The following FOXL2NB variants were observed in gnomAD, a reference collection of about 807,000 sequenced individuals.
The protein encoded by FOXL2NB is FOXL2 neighbor protein.
FOXL2NB carries 10 observed loss-of-function variants against 7.4 expected under a neutral mutation model. That is an observed-to-expected ratio of 1.34 (90% CI 0.83 to 2.28). The LOEUF is 2.28. Among genes scored for constraint, FOXL2NB ranks in the 30% most tolerant of loss-of-function variants. FOXL2NB has a pLI of 0.00. For synonymous variants in FOXL2NB, 104 were observed against 105.3 expected, an observed-to-expected ratio of 0.99 and a Z score of 0.08; for missense variants, 228 against 233.9, an observed-to-expected ratio of 0.97 and a Z score of 0.17.
At position 138,952,862 on chromosome 3, in the gene FOXL2NB, G is replaced by T. The variant is rs944420679; in HGVS notation, c.*2290G>T. On this transcript the variant is annotated 3_prime_UTR_variant, in exon 3 of 3. Coordinates refer to ENST00000383165, the MANE Select transcript of FOXL2NB (RefSeq NM_001040061.3). Reference sequence around the variant, plus strand: ...ATTTTTTATTTAAACAGTTTTGGGGGAACAGGTGGTTTTTGCTTACATGGA... The same window carrying T: ...ATTTTTTATTTAAACAGTTTTGGGGTAACAGGTGGTTTTTGCTTACATGGA... The T allele has an allele frequency of 6.6e-6, 1 of 151,528 alleles. No homozygotes were observed. The highest frequency in any genetic ancestry group is 1.5e-5 in the Non-Finnish European group (1 of 67,916). 9.4% of individuals were successfully genotyped at this position (151,528 alleles called of 1,614,324 possible). A position where few individuals can be genotyped will look rare whatever the true frequency, so the allele number is the denominator to read the frequency against.
Position 138,951,865 on chromosome 3 carries a change from G to A in FOXL2NB, c.*1293G>A, listed in dbSNP as rs1936138094. ...CTCACTCAGTGCTCCCCACCAGGAT[G>A]GGCTTAATGCCTTTTAATAGAATTA... On this transcript the variant is annotated 3_prime_UTR_variant, in exon 3 of 3. Transcript: ENST00000383165. The A allele has an allele frequency of 6.6e-6, 1 of 152,194 alleles. No individual in the cohort carries two copies. Among genetic ancestry groups the A allele is most frequent in the Non-Finnish European group, 1.5e-5 (1 of 68,058 alleles). The allele number at this position is 152,194 out of a possible 1,614,324, so 9.4% of individuals were successfully genotyped here. A position where few individuals can be genotyped will look rare whatever the true frequency, so the allele number is the denominator to read the frequency against.
In FOXL2NB at chr3:138,947,639, C is replaced by G. The variant is rs1936016977; in HGVS notation, c.100+175C>G. On this transcript the variant is annotated intron_variant, in intron 1 of 2. Coordinates refer to ENST00000383165, the MANE Select transcript of FOXL2NB (RefSeq NM_001040061.3). The surrounding 1 kb of genome is among the most constrained non-coding windows in gnomAD (Gnocchi z 5.2). ...AAACGGGTGTGACTGTACGAAGAAG[C>G]CTCGGCCTGGCCTGTCCCTCGCGCT... The G allele has an allele frequency of 1.4e-6, 2 of 1,384,060 alleles. No homozygotes were observed. Among genetic ancestry groups the G allele is most frequent in the South Asian group, 1.7e-5 (1 of 59,418 alleles). 85.7% of individuals were successfully genotyped at this position (1,384,060 alleles called of 1,614,324 possible).
rs1936108530 is a variant in FOXL2NB, at chr3:138,950,504, AC to A, written c.463del (p.Leu155SerfsTer95). ...GCGGGAGAGAATAGAGCTTGCTGCA[AC>A]CCTCTGCTTGGAGGGATGGCCTCTG... ...PERERIELAA[T>X]LCLEGWPLRC... On this transcript the variant is annotated frameshift_variant, in exon 3 of 3. Transcript: ENST00000383165. LOFTEE classifies it low-confidence loss of function (END_TRUNC). 1.6e-5 allele frequency: 26 copies of A among 1,614,042 alleles called. No individual in the cohort carries two copies. Among genetic ancestry groups the A allele is most frequent in the Non-Finnish European group, 1.9e-5 (23 of 1,180,026 alleles).
rs972139064 is a variant in FOXL2NB, at chr3:138,950,191, C to A, written c.221-74C>A. ...GCTCCCGCGCCTCCTCGCAGCCTGG[C>A]CCCGCGCCTCGGAGGTCCCGACAGC... On this transcript the variant is annotated intron_variant, in intron 2 of 2. Coordinates refer to ENST00000383165, the MANE Select transcript of FOXL2NB (RefSeq NM_001040061.3). 5 of 1,519,030 alleles carry A rather than the reference C, an allele frequency of 3.3e-6. No individual in the cohort carries two copies. In the South Asian group the frequency reaches 5.7e-5, roughly 17 times the overall value. The allele number at this position is 1,519,030 out of a possible 1,614,324, so 94.1% of individuals were successfully genotyped here.
rs754299081 is a variant in FOXL2NB, at chr3:138,950,555, C to T, written c.511C>T (p.Leu171Phe). ...GCGGTGCTTGGCTAGCAAAGGGAAG[C>T]TTCACTGTGTCTATTAGTACATCCC... ...PLRCLASKGK[L>F]HCVY Residue 171 changes from leucine (L) to phenylalanine (F), a missense_variant, in exon 3 of 3, where the codon CTT (leucine) becomes TTT (phenylalanine). Transcript: ENST00000383165. The T allele has an allele frequency of 4.3e-6, 7 of 1,614,182 alleles. No individual in the cohort carries two copies. In the South Asian group the frequency reaches 6.6e-5, roughly 15 times the overall value.
Position 138,950,632 on chromosome 3 carries a change from C to G in FOXL2NB, c.*60C>G. On this transcript the variant is annotated 3_prime_UTR_variant, in exon 3 of 3. Coordinates refer to ENST00000383165, the MANE Select transcript of FOXL2NB (RefSeq NM_001040061.3). ...CAGCACTCACTCCCTCCCGGCCCCTCACAGGGCCCTTTGCACCCACACCTC... is the reference window on the plus strand; with the variant it reads ...CAGCACTCACTCCCTCCCGGCCCCTGACAGGGCCCTTTGCACCCACACCTC... 6.3e-7 allele frequency: 1 copy of G among 1,576,978 alleles called. No individual in the cohort carries two copies.
chr3:138,947,431 G>C lies in FOXL2NB; in HGVS notation c.67G>C (p.Gly23Arg), dbSNP rs1439073453. The C allele has an allele frequency of 6.5e-7, 1 of 1,547,618 alleles. No individual in the cohort carries two copies. The highest frequency in any genetic ancestry group is 8.7e-7 in the Non-Finnish European group (1 of 1,144,992). ...GCCCAGGAAGCTCGGGCCCCAGCGA[G>C]GAAAGGCGCTCCAAGCCTCCTCGCG... is the stretch of plus-strand genomic sequence containing the variant. ...PKPRKLGPQR[G>R]KALQASSRLS... The change falls in exon 1 of 3, where the codon GGA becomes CGA. Residue 23 changes from glycine to arginine, a missense_variant. Gly to Arg is a moderately radical substitution (Grantham distance 125). Transcript: ENST00000383165. The surrounding 1 kb of genome is among the most constrained non-coding windows in gnomAD (Gnocchi z 5.2).
In FOXL2NB at chr3:138,949,716, G is replaced by A. The variant is rs1339786699; in HGVS notation, c.220+77G>A. 3 of 1,593,662 alleles carry A rather than the reference G, an allele frequency of 1.9e-6. No individual in the cohort carries two copies. In the Admixed American group the frequency reaches 5.0e-5, roughly 27 times the overall value. Reference sequence around the variant, plus strand: ...TCCAGGCTTCTGCGGAAAAGCCAGGGGCTTCGGGCTGGAGATAGAGGAATC... The same window carrying A: ...TCCAGGCTTCTGCGGAAAAGCCAGGAGCTTCGGGCTGGAGATAGAGGAATC... On this transcript the variant is annotated intron_variant, in intron 2 of 2. Transcript: ENST00000383165. This position sits in a 1 kb window ranked among gnomAD's most constrained non-coding sequence, Gnocchi z 4.5.
At position 138,947,293 on chromosome 3, in the gene FOXL2NB, G is replaced by T. The variant is rs1559923177; in HGVS notation, c.-72G>T. On this transcript the variant is annotated 5_prime_UTR_variant, in exon 1 of 3. Coordinates refer to ENST00000383165, the MANE Select transcript of FOXL2NB (RefSeq NM_001040061.3). The surrounding 1 kb of genome is among the most constrained non-coding windows in gnomAD (Gnocchi z 5.2). ...CCTGCCCCCGCCCAGCGAGCCTCAG[G>T]GGCCCAGCCGACAGCCAGGCTCACG... The T allele has an allele frequency of 7.9e-7, 1 of 1,266,034 alleles. No homozygotes were observed. Among genetic ancestry groups the T allele is most frequent in the South Asian group, 1.3e-5 (1 of 75,546 alleles). 78.4% of individuals were successfully genotyped at this position (1,266,034 alleles called of 1,614,324 possible). A position where few individuals can be genotyped will look rare whatever the true frequency, so the allele number is the denominator to read the frequency against.
intron 1 of FOXL2NB, among the ~76,000 whole-genome samples, chr3:138,948,899 G>C (rs1413131587): frequency 6.6e-6 from 1 of 152,204 alleles, no homozygotes; most frequent in Non-Finnish European, 1.5e-5. Context: ...AGGGAGCAAG[G>C]CTATCCCCAA....
intron 1 of FOXL2NB, among the ~76,000 whole-genome samples, chr3:138,948,564 A>G (rs1212765912): frequency 1.3e-5 from 2 of 152,188 alleles, no homozygotes; most frequent in Non-Finnish European, 2.9e-5. Flanking sequence ...TTATGGAGGA[A>G]GGTGGACTGA....
chr3:138,947,261 G>A lies in FOXL2NB; in HGVS notation c.-104G>A. 1.1e-6 allele frequency: 1 copy of A among 907,382 alleles called. No homozygotes were observed. The highest frequency in any genetic ancestry group is 1.5e-5 in the South Asian group (1 of 65,876). The allele number at this position is 907,382 out of a possible 1,614,324, so 56.2% of individuals were successfully genotyped here. On this transcript the variant is annotated 5_prime_UTR_variant, in exon 1 of 3. Coordinates refer to ENST00000383165, the MANE Select transcript of FOXL2NB (RefSeq NM_001040061.3). The surrounding 1 kb of genome is among the most constrained non-coding windows in gnomAD (Gnocchi z 5.2). ...TTTTTGTAAACGCCCCGCACAGCCT[G>A]GACCGGCCTGCCCCCGCCCAGCGAG... is the stretch of plus-strand genomic sequence containing the variant.
In FOXL2NB at chr3:138,950,595, C is replaced by T; in HGVS notation, c.*23C>T. ...TAGTACATCCCCATACACTCCACGCCTCAACAACTGTCAGCACTCACTCCC... is the reference window on the plus strand; with the variant it reads ...TAGTACATCCCCATACACTCCACGCTTCAACAACTGTCAGCACTCACTCCC... On this transcript the variant is annotated 3_prime_UTR_variant, in exon 3 of 3. Transcript: ENST00000383165. The T allele has an allele frequency of 6.2e-7, 1 of 1,611,252 alleles. No individual in the cohort carries two copies. Among genetic ancestry groups the T allele is most frequent in the Non-Finnish European group, 8.5e-7 (1 of 1,179,280 alleles).
chr3:138,949,876 T>A lies in FOXL2NB; in HGVS notation c.220+237T>A. 1.4e-6 allele frequency: 1 copy of A among 703,180 alleles called. No homozygotes were observed. Among genetic ancestry groups the A allele is most frequent in the Non-Finnish European group, 2.6e-6 (1 of 389,872 alleles). 43.6% of individuals were successfully genotyped at this position (703,180 alleles called of 1,614,324 possible). A position where few individuals can be genotyped will look rare whatever the true frequency, so the allele number is the denominator to read the frequency against. The stretch of plus-strand genomic sequence containing the variant: ...AGGCTGGTTGCTGGCGAGGTCGGGA[T>A]CCTCTCTGAACAGGGCATACTGTGC... On this transcript the variant is annotated intron_variant, in intron 2 of 2. Coordinates refer to ENST00000383165, the MANE Select transcript of FOXL2NB (RefSeq NM_001040061.3). The surrounding 1 kb of genome is among the most constrained non-coding windows in gnomAD (Gnocchi z 4.5).
chr3:138,948,748 G>C (rs1021704960), intron 1 of FOXL2NB, among the ~76,000 whole-genome samples: 4 of 152,174 alleles, frequency 2.6e-5, no homozygotes. Flanking sequence ...AGTGTTGTCT[G>C]CTGCTCACTC....
rs1936025487 is a variant in FOXL2NB at position 138,948,002 on chromosome 3, A to G, written c.100+538A>G. The G allele has an allele frequency of 5.1e-6, 5 of 985,568 alleles. No homozygotes were observed. In the South Asian group the frequency reaches 1.4e-4, roughly 28 times the overall value. 61.1% of individuals were successfully genotyped at this position (985,568 alleles called of 1,614,324 possible). A position where few individuals can be genotyped will look rare whatever the true frequency, so the allele number is the denominator to read the frequency against. ...CCAGGTGCATGTGTGCTGCTCAGAA[A>G]CACAGGTATGCACATGTACAAGGTG... On this transcript the variant is annotated intron_variant, in intron 1 of 2. Coordinates refer to ENST00000383165, the MANE Select transcript of FOXL2NB (RefSeq NM_001040061.3).
Position 138,950,713 on chromosome 3 carries a change from T to C in FOXL2NB, c.*141T>C, listed in dbSNP as rs561904807. The C allele has an allele frequency of 1.3e-3, 1,067 of 830,302 alleles. 3 individuals carry two copies. The highest frequency in any genetic ancestry group is 1.2e-3 in the Non-Finnish European group (617 of 521,970). The allele number at this position is 830,302 out of a possible 1,614,324, so 51.4% of individuals were successfully genotyped here. On this transcript the variant is annotated 3_prime_UTR_variant, in exon 3 of 3. Coordinates refer to ENST00000383165, the MANE Select transcript of FOXL2NB (RefSeq NM_001040061.3). Reference sequence around the variant, plus strand: ...GTTACTCCATCCACTTCTCTCTCCTTCTCCCTCTGTCAACTCCAAATCCCC... The same window carrying C: ...GTTACTCCATCCACTTCTCTCTCCTCCTCCCTCTGTCAACTCCAAATCCCC...
In FOXL2NB at chr3:138,951,765, C is replaced by T. The variant is rs1191341292; in HGVS notation, c.*1193C>T. On this transcript the variant is annotated 3_prime_UTR_variant, in exon 3 of 3. Transcript: ENST00000383165. ...GGCTTGCTGGGGAACATGATGTGTT[C>T]TTAAAAGTTGCCTTGTTGCCTTTCT... 2 of 152,250 alleles carry T rather than the reference C, an allele frequency of 1.3e-5. No individual in the cohort carries two copies. Among genetic ancestry groups the T allele is most frequent in the African/African-American group, 2.4e-5 (1 of 41,456 alleles). 9.4% of individuals were successfully genotyped at this position (152,250 alleles called of 1,614,324 possible). A position where few individuals can be genotyped will look rare whatever the true frequency, so the allele number is the denominator to read the frequency against.
Position 138,949,622 on chromosome 3 carries a change from C to A in FOXL2NB, c.203C>A (p.Ser68Ter), listed in dbSNP as rs1936075176. The A allele has an allele frequency of 6.4e-7, 1 of 1,552,016 alleles. No individual in the cohort carries two copies. The highest frequency in any genetic ancestry group is 1.7e-5 in the Admixed American group (1 of 59,358). ...TGCCTTCACATGGCTGTCCGGCATT[C>A]GAAGGCTCAGAAAACAGGCAAGAAA... ...KMCLHMAVRH[S>*]KAQKTGPGIL... Residue 68 changes from serine (S) to a stop codon, truncating the protein, a stop_gained, in exon 2 of 3, where the codon TCG becomes TAG. Transcript: ENST00000383165. LOFTEE classifies it low-confidence loss of function (END_TRUNC). The surrounding 1 kb of genome is among the most constrained non-coding windows in gnomAD (Gnocchi z 4.5).
Sources: gnomAD v4.1 joint callset for allele counts (sites outside exome capture counted in the v4.1 genomes callset) on GRCh38, gnomAD v4.1.1 for gene constraint, Gnocchi (gnomAD v3.1) non-coding constraint, MANE v1.5 for transcripts, NCBI Gene and HGNC (gene_info 2026-07-23, HGNC 2026-07-21) for gene names.